Variants in MKLN1 observed in about 807,000 individuals in gnomAD.
The protein encoded by MKLN1 is muskelin 1.
Under a neutral mutation model 99.0 loss-of-function variants are expected in MKLN1, and 18 were observed. That is an observed-to-expected ratio of 0.18 (90% CI 0.13 to 0.27). The LOEUF (loss-of-function observed/expected upper bound fraction) is 0.27. Ranked by LOEUF, MKLN1 falls within the 10% of genes least tolerant of loss-of-function variation. MKLN1 has a pLI of 1.00. For missense variants in MKLN1, 621 were observed against 875.9 expected, an observed-to-expected ratio of 0.71 and a Z score of 3.67; for synonymous variants, 288 against 293.2, an observed-to-expected ratio of 0.98 and a Z score of 0.18.
At chr7:131,334,372 G>A (rs563105415) in intron 1 of MKLN1, among the ~76,000 whole-genome samples, 1 of 152,242 alleles carries the variant, frequency 6.6e-6, no homozygotes, top group East Asian at 1.9e-4. Flanking sequence ...GCCACTGAAA[G>A]TTCTGTGTTT....
chr7:131,444,745 TAGTAGTAGTAGTAGA>T lies in MKLN1; in HGVS notation c.1396-1026_1396-1012del, dbSNP rs869240237. Among the ~76,000 whole-genome samples, 547 of 98,104 alleles carry T rather than the reference TAGTAGTAGTAGTAGA, an allele frequency of 5.6e-3. 3 individuals carry two copies. Among genetic ancestry groups the T allele is most frequent in the East Asian group, 0.051 (139 of 2,724 alleles). The allele number at this position is 98,104 out of a possible 152,430, so 64.4% of individuals were successfully genotyped here. On this transcript the variant is annotated intron_variant, in intron 11 of 17. Coordinates refer to ENST00000352689, the MANE Select transcript of MKLN1 (RefSeq NM_013255.5). ...GTAGTAGTAGTAGTAGTAGTAGTAG[TAGTAGTAGTAGTAGA>T]AGAAGTAGTAGTAGTAGTAGTAGTA...
chr7:131,382,756 C>CT (rs1388596755), intron 2 of MKLN1, among the ~76,000 whole-genome samples: 1 of 151,682 alleles, frequency 6.6e-6, no homozygotes, highest in Non-Finnish European at 1.5e-5. Context: ...CAGGGTCTTA[C>CT]TGTGTCTCCC....
At chr7:131,470,779 C>A (rs1337649481) in intron 15 of MKLN1, 63 bp from the exon 16 acceptor site, 1 of 1,077,342 alleles carries the variant, frequency 9.3e-7, no homozygotes, top group East Asian at 2.4e-5. Context: ...TATTCCAGGT[C>A]TGAAAGACAT....
At chr7:131,115,592 T>C (rs1211591182) in intron 1 of MKLN1, among the ~76,000 whole-genome samples, 4 of 152,286 alleles carry the variant, frequency 2.6e-5, no homozygotes, top group South Asian at 4.1e-4. Context: ...TGATGGCACC[T>C]GTGATAAAGT....
At chr7:131,270,695 G>A (rs2116556206) in intron 3 of MKLN1, among the ~76,000 whole-genome samples, 1 of 152,302 alleles carries the variant, frequency 6.6e-6, no homozygotes, top group African/African-American at 2.4e-5. Context: ...GCCAGACAGT[G>A]TGCTAAATGC....
intron 3 of MKLN1, among the ~76,000 whole-genome samples, chr7:131,260,068 C>T (rs571316720): frequency 2.0e-5 from 3 of 150,452 alleles, no homozygotes; most frequent in Non-Finnish European, 3.0e-5. Flanking sequence ...TTTTAAGAGA[C>T]GGGGTCTTAC....
chr7:131,203,084 G>A (rs1251576993), intron 3 of MKLN1: 1 of 152,042 alleles, frequency 6.6e-6, no homozygotes, highest in Non-Finnish European at 1.5e-5. Context: ...ATTTGTAGAG[G>A]GCTTTACCAT....
intron 1 of MKLN1, among the ~76,000 whole-genome samples, chr7:131,368,349 T>A (rs1766801134): frequency 1.3e-5 from 2 of 152,228 alleles, no homozygotes; most frequent in African/African-American, 4.8e-5. Flanking sequence ...AGAGCCTGAT[T>A]TGATTTTCTG....
At chr7:131,388,438 C>G (rs1379313466) in intron 3 of MKLN1, among the ~76,000 whole-genome samples, 1 of 152,098 alleles carries the variant, frequency 6.6e-6, no homozygotes, top group Non-Finnish European at 1.5e-5. Context: ...ATTTGTTGAA[C>G]TATAAAAGAA....
At chr7:131,131,217 A>ATAAATAAG (rs1795547210) in intron 1 of MKLN1, among the ~76,000 whole-genome samples, 1 of 150,876 alleles carries the variant, frequency 6.6e-6, no homozygotes, top group Non-Finnish European at 1.5e-5. Flanking sequence ...AAATAAATAA[A>ATAAATAAG]TAAATAAAAT....
chr7:131,355,795 G>A (rs1799858644), intron 1 of MKLN1, among the ~76,000 whole-genome samples: 1 of 150,994 alleles, frequency 6.6e-6, no homozygotes, highest in African/African-American at 2.4e-5. Flanking sequence ...CAAAGTGCTG[G>A]AATTATAGGT....
Position 131,257,600 on chromosome 7 carries a change from T to C in MKLN1, c.-179+54626T>C, listed in dbSNP as rs117417111. ...TATCACACTTCACAGGGTGTGAGGA[T>C]AGGAGAGCAACCAAGTGCATTTGGG... On this transcript the variant is annotated intron_variant, in intron 3 of 7. Transcript: ENST00000416992. Among the ~76,000 whole-genome samples, 10 of 152,184 alleles carry C rather than the reference T, an allele frequency of 6.6e-5. No homozygotes were observed. In the East Asian group the frequency reaches 1.7e-3, roughly 26 times the overall value.
rs1426343486 is a variant in MKLN1 at position 131,412,427 on chromosome 7, C to A, written c.781+1044C>A. On this transcript the variant is annotated intron_variant, in intron 7 of 17. Transcript: ENST00000352689. ...ATTCTAAATCTGTGGAACTTTATAA[C>A]CAGCTACTAATAAAAACTAGTGTAA... is the stretch of plus-strand genomic sequence containing the variant. 2.0e-5 allele frequency among the ~76,000 whole-genome samples: 3 copies of A among 152,114 alleles called. No homozygotes were observed. The East Asian group carries it at 5.8e-4, about 29-fold the overall frequency.
intron 1 of MKLN1, among the ~76,000 whole-genome samples, chr7:131,131,788 G>T (rs1297870635): frequency 6.6e-6 from 1 of 152,102 alleles, no homozygotes; most frequent in Non-Finnish European, 1.5e-5. Context: ...CTTCTGCTAA[G>T]GAATCAAAGT....
At chr7:131,360,134 A>C (rs1328811305) in intron 1 of MKLN1, among the ~76,000 whole-genome samples, 1 of 152,116 alleles carries the variant, frequency 6.6e-6, no homozygotes, top group African/African-American at 2.4e-5. Context: ...CCAGTTTTCT[A>C]TTTAAAGAAT....
In MKLN1 at chr7:131,322,615, C is replaced by T. The variant is rs555483529; in HGVS notation, c.-178-52809C>T. ...GTCTCGCTCTGTCGCCCAGGCCGGA[C>T]TGCGGACTGCAGTGGCGCAATCTCG... On this transcript the variant is annotated intron_variant, in intron 3 of 7. Coordinates refer to the MKLN1 transcript ENST00000416992. 2.9e-3 allele frequency among the ~76,000 whole-genome samples: 404 copies of T among 141,748 alleles called. 4 individuals are homozygous for T. Among genetic ancestry groups the T allele is most frequent in the African/African-American group, 9.8e-3 (379 of 38,554 alleles). 93.0% of individuals were successfully genotyped at this position (141,748 alleles called of 152,430 possible).
chr7:131,173,455 A>G (rs537124655), intron 2 of MKLN1, among the ~76,000 whole-genome samples: 17 of 152,328 alleles, frequency 1.1e-4, no homozygotes, highest in African/African-American at 4.1e-4. Context: ...GTGGTGGCTC[A>G]CGCCCATAAT....
At chr7:131,338,317 G>A (rs1485770069) in intron 1 of MKLN1, among the ~76,000 whole-genome samples, 2 of 152,158 alleles carry the variant, frequency 1.3e-5, no homozygotes, top group Admixed American at 6.5e-5. Context: ...ACCAAGTTTT[G>A]TCCCCCTACT....
chr7:131,167,402 T>C (rs1796142101), intron 2 of MKLN1, among the ~76,000 whole-genome samples: 1 of 152,194 alleles, frequency 6.6e-6, no homozygotes, highest in Admixed American at 6.5e-5. Context: ...CCAGGTATGG[T>C]GGCTTATGCC....
Sources: gnomAD v4.1 joint callset for allele counts (sites outside exome capture counted in the v4.1 genomes callset) on GRCh38, gnomAD v4.1.1 for gene constraint, MANE v1.5 for transcripts, NCBI Gene and HGNC (gene_info 2026-07-23, HGNC 2026-07-21) for gene names.